Variants in TLN2 observed in about 807,000 individuals in gnomAD.
TLN2 encodes talin 2, also known as talin-2.
In TLN2, 118 loss-of-function variants were observed where a neutral mutation model predicts 294.7. The ratio of observed to expected loss-of-function variants is 0.40; its 90% CI spans 0.34 to 0.47. The LOEUF is 0.47. Ranked by LOEUF, TLN2 falls within the 20% of genes least tolerant of loss-of-function variation. TLN2 has a pLI of 0.84. For synonymous variants in TLN2, 1,431 were observed against 1,304.5 expected, an observed-to-expected ratio of 1.10 and a Z score of -2.09; for missense variants, 3,083 against 3,282.2, an observed-to-expected ratio of 0.94 and a Z score of 1.48.
intron 1 of TLN2, among the ~76,000 whole-genome samples, chr15:62,475,329 G>A (rs2037728969): frequency 6.6e-6 from 1 of 152,162 alleles, no homozygotes; most frequent in Non-Finnish European, 1.5e-5. Flanking sequence ...CTAGCTGAAG[G>A]ACACCTGAGT....
intron 1 of TLN2, among the ~76,000 whole-genome samples, chr15:62,578,679 G>A (rs369436159): frequency 3.3e-5 from 5 of 152,166 alleles, no homozygotes; most frequent in African/African-American, 1.2e-4. Context: ...TTTATTCCAG[G>A]TAGAGAGCTG....
chr15:62,759,592 T>G lies in TLN2; in HGVS notation c.4639-2089T>G, dbSNP rs911955994. Among the ~76,000 whole-genome samples, 10 of 152,368 alleles carry G rather than the reference T, an allele frequency of 6.6e-5. No homozygotes were observed. The East Asian group carries it at 1.2e-3, about 18-fold the overall frequency. Reference sequence around the variant, plus strand: ...TTAGTGGCTTGATTGGCTGCCCTTCTTCCCAATAGACTGAGAGGTTTGTGG... The same window carrying G: ...TTAGTGGCTTGATTGGCTGCCCTTCGTCCCAATAGACTGAGAGGTTTGTGG... On this transcript the variant is annotated intron_variant, in intron 37 of 58. Transcript: ENST00000636159.
At chr15:62,767,225 C>T (rs575438503) in intron 41 of TLN2, among the ~76,000 whole-genome samples, 1 of 152,316 alleles carries the variant, frequency 6.6e-6, no homozygotes, top group African/African-American at 2.4e-5. Flanking sequence ...AGGGCCTACT[C>T]ACCTTCCCAG....
chr15:62,708,529 G>C lies in TLN2; in HGVS notation c.2200G>C (p.Val734Leu). The change falls in exon 21 of 59, where the codon GTG becomes CTG. Residue 734 changes from valine (V) to leucine (L), a missense_variant. Transcript: ENST00000636159. ...KVVSPTISSP[V>L]CQEQLIEAGK... ...TGTGAGCCCCACTATTAGCTCCCCT[G>C]TGTGCCAGGAGCAGCTGATTGAAGC... 6.2e-7 allele frequency: 1 copy of C among 1,614,026 alleles called. No individual in the cohort carries two copies. Among genetic ancestry groups the C allele is most frequent in the Non-Finnish European group, 8.5e-7 (1 of 1,179,902 alleles).
chr15:62,709,879 C>T (rs899609173), intron 21 of TLN2, among the ~76,000 whole-genome samples: 1 of 152,098 alleles, frequency 6.6e-6, no homozygotes. Flanking sequence ...GGATTACAGG[C>T]GCCTGCCATG....
chr15:62,799,315 T>C (rs1292405165), intron 48 of TLN2, among the ~76,000 whole-genome samples: 1 of 152,172 alleles, frequency 6.6e-6, no homozygotes, highest in African/African-American at 2.4e-5. Flanking sequence ...ACCTGAACAC[T>C]GCCCTCAGTA....
intron 1 of TLN2, among the ~76,000 whole-genome samples, chr15:62,526,420 C>A (rs1352344502): frequency 1.3e-5 from 2 of 152,154 alleles, no homozygotes; most frequent in Non-Finnish European, 2.9e-5. Context: ...ACACATACAG[C>A]CATCATTCTT....
At chr15:62,442,805 G>T (rs1209360311) in intron 1 of TLN2, among the ~76,000 whole-genome samples, 6 of 152,146 alleles carry the variant, frequency 3.9e-5, no homozygotes, top group Admixed American at 3.3e-4. Context: ...AGGTTCTAGA[G>T]TTCAGAAGTC....
At chr15:62,580,855 CCT>C (rs2044914247) in intron 1 of TLN2, among the ~76,000 whole-genome samples, 3 of 151,812 alleles carry the variant, frequency 2.0e-5, no homozygotes, top group Non-Finnish European at 4.4e-5. Flanking sequence ...CGCCCCGCCC[CCT>C]GACCCCTGGC....
intron 1 of TLN2, among the ~76,000 whole-genome samples, chr15:62,586,154 C>T (rs1407446568): frequency 6.6e-6 from 1 of 152,184 alleles, no homozygotes; most frequent in African/African-American, 2.4e-5. Context: ...GATGCATCTC[C>T]GTCGCAAATG....
Position 62,707,243 on chromosome 15 carries a change from C to T in TLN2, c.2162C>T (p.Ala721Val). ...QCALSTSQLV[A>V]CAKVVSPTIS... ...GCCCTCTCCACCTCCCAGCTTGTGG[C>T]ATGTGCCAAGGTAAGCCAGCTGGCA... is the stretch of plus-strand genomic sequence containing the variant. The change falls in exon 20 of 59, where the codon GCA becomes GTA. Residue 721 changes from alanine to valine, a missense_variant. Physicochemically the swap from Ala to Val is moderately conservative, Grantham distance 64 (BLOSUM62 0). Transcript: ENST00000636159. The T allele has an allele frequency of 8.7e-6, 14 of 1,611,178 alleles. No individual in the cohort carries two copies. Among genetic ancestry groups the T allele is most frequent in the Non-Finnish European group, 1.0e-5 (12 of 1,178,020 alleles).
chr15:62,446,779 G>A (rs2035843200), intron 1 of TLN2, among the ~76,000 whole-genome samples: 1 of 152,016 alleles, frequency 6.6e-6, no homozygotes, highest in Non-Finnish European at 1.5e-5. Context: ...GGGGCTGTAG[G>A]GTATTCAAAG....
intron 2 of TLN2, among the ~76,000 whole-genome samples, chr15:62,595,608 C>T (rs1339623292): frequency 6.6e-6 from 1 of 152,144 alleles, no homozygotes; most frequent in African/African-American, 2.4e-5. Context: ...GATGTCTGCA[C>T]TCCTATGTTC....
At chr15:62,761,440 A>T (rs1480539454) in intron 37 of TLN2, among the ~76,000 whole-genome samples, 1 of 152,110 alleles carries the variant, frequency 6.6e-6, no homozygotes, top group African/African-American at 2.4e-5. Flanking sequence ...GGGAGTGGAA[A>T]GTTGACTGTG....
At chr15:62,642,164 T>C (rs2051194229) in intron 3 of TLN2, among the ~76,000 whole-genome samples, 1 of 152,174 alleles carries the variant, frequency 6.6e-6, no homozygotes, top group Admixed American at 6.5e-5. Flanking sequence ...TGAGACAAGA[T>C]TATGAAAAGA....
chr15:62,726,993 A>G, intron 27 of TLN2, 94 bp from the exon 28 acceptor site: 5 of 1,312,360 alleles, frequency 3.8e-6, no homozygotes, highest in African/African-American at 2.9e-5. Context: ...CTAGGGCTCA[A>G]AGTTTGATCT....
chr15:62,412,989 A>G (rs2033860072), intron 1 of TLN2, among the ~76,000 whole-genome samples: 1 of 152,162 alleles, frequency 6.6e-6, no homozygotes. Context: ...AGAGAAGTGG[A>G]GAGACTGCAA....
At chr15:62,702,296 G>A (rs991821118) in intron 18 of TLN2, 96 bp downstream of exon 18, 24 of 1,314,622 alleles carry the variant, frequency 1.8e-5, no homozygotes, top group East Asian at 7.6e-5. Context: ...TGTTCCTTGC[G>A]TCTTGATGGG....
At chr15:62,783,241 A>G (rs2064337251) in intron 44 of TLN2, among the ~76,000 whole-genome samples, 1 of 152,204 alleles carries the variant, frequency 6.6e-6, no homozygotes, top group Admixed American at 6.5e-5. Flanking sequence ...CTTGTCATTC[A>G]TGGTTTTCTT....
Sources: allele counts gnomAD v4.1 joint callset (sites outside exome capture counted in the v4.1 genomes callset), GRCh38; gene constraint gnomAD v4.1.1; transcripts MANE v1.5; gene names NCBI Gene and HGNC (gene_info 2026-07-23, HGNC 2026-07-21).